The following LRR1 variants were observed in gnomAD, a reference collection of about 807,000 sequenced individuals.
LRR1 encodes the protein leucine rich repeat protein 1, also known as leucine-rich repeat protein 1.
A neutral mutation model predicts 31.6 loss-of-function variants in LRR1; 29 were observed. The observed-to-expected ratio is 0.92, with a 90% CI of 0.68 to 1.25. The LOEUF (loss-of-function observed/expected upper bound fraction) is 1.25, where lower values mean the gene tolerates loss of function less well. LRR1 is among the 50% of genes most tolerant of loss of function. The pLI is 0.00. For missense variants in LRR1, 485 were observed against 487.2 expected (o/e 1.00, Z 0.04); for synonymous variants, 179 against 181.4 (o/e 0.99, Z 0.10).
chr14:49,601,072 C>T lies in LRR1; in HGVS notation c.184-1298C>T, dbSNP rs995999494. 3.1e-6 allele frequency: 5 copies of T among 1,611,290 alleles called. No homozygotes were observed. In the Admixed American group the frequency reaches 8.3e-5, roughly 27 times the overall value. On this transcript the variant is annotated intron_variant, in intron 1 of 3. Transcript: ENST00000298288. ...TACCCAGAGTGGTGAAATAACAAGG[C>T]CAGCCACGTAGCCAAAGGTCGCTCC...
chr14:49,611,705 T>C (rs1329187654), intron 3 of LRR1, among the ~76,000 whole-genome samples: 1 of 152,092 alleles, frequency 6.6e-6, no homozygotes, highest in African/African-American at 2.4e-5. Flanking sequence ...GGTGGATCAC[T>C]TGAGGCCAGG....
At position 49,614,661 on chromosome 14, in the gene LRR1, A is replaced by G. The variant is rs1389819574; in HGVS notation, c.*165A>G. The G allele has an allele frequency of 3.2e-6, 3 of 940,968 alleles. No individual in the cohort carries two copies. The highest frequency in any genetic ancestry group is 4.7e-5 in the Admixed American group (2 of 42,788). The allele number at this position is 940,968 out of a possible 1,614,324, so 58.3% of individuals were successfully genotyped here. Reference sequence around the variant, plus strand: ...GACTCCAAAACTTTTATTAAAACCAATTTTAGTTTTACTGTGGTGTTAACT... The same window carrying G: ...GACTCCAAAACTTTTATTAAAACCAGTTTTAGTTTTACTGTGGTGTTAACT... On this transcript the variant is annotated 3_prime_UTR_variant, in exon 4 of 4. Transcript: ENST00000298288.
At position 49,607,981 on chromosome 14, in the gene LRR1, T is replaced by A; in HGVS notation, c.864T>A (p.Pro288=). 1 of 1,614,158 alleles carries A rather than the reference T, an allele frequency of 6.2e-7. No individual in the cohort carries two copies. Among genetic ancestry groups the A allele is most frequent in the Non-Finnish European group, 8.5e-7 (1 of 1,180,026 alleles). ...SAARNKLPFL[P]SEFRNLSLEY... is the part of the protein sequence containing the mutation. ...CTCGAAATAAGCTTCCATTTTTGCCTAGTGAATTTAGAAATTTATCCCTTG... is the reference window on the plus strand; with the variant it reads ...CTCGAAATAAGCTTCCATTTTTGCCAAGTGAATTTAGAAATTTATCCCTTG... Residue 288 remains proline (P), a synonymous_variant, in exon 3 of 4, where the codon CCT becomes CCA. Coordinates refer to ENST00000298288, the MANE Select transcript of LRR1 (RefSeq NM_152329.4).
Position 49,599,933 on chromosome 14 carries a change from C to T in LRR1, c.183+730C>T, listed in dbSNP as rs1594582604. 5 of 1,399,122 alleles carry T rather than the reference C, an allele frequency of 3.6e-6. No individual in the cohort carries two copies. In the East Asian group the frequency reaches 1.0e-4, roughly 29 times the overall value. The allele number at this position is 1,399,122 out of a possible 1,614,324, so 86.7% of individuals were successfully genotyped here. A position where few individuals can be genotyped will look rare whatever the true frequency, so the allele number is the denominator to read the frequency against. On this transcript the variant is annotated intron_variant, in intron 1 of 3. Transcript: ENST00000298288. The stretch of plus-strand genomic sequence containing the variant: ...ACCCTCCAGGCGGGCTGAGGCTGAG[C>T]CCGGGGCCGGGGCGGGGGCTCCGGG...
chr14:49,613,210 G>T (rs945632720), intron 3 of LRR1, among the ~76,000 whole-genome samples: 1 of 152,050 alleles, frequency 6.6e-6, no homozygotes, highest in Non-Finnish European at 1.5e-5. Flanking sequence ...GTGGTGGCGG[G>T]CACCTATAGT....
chr14:49,613,845 C>T (rs766632777), intron 3 of LRR1, among the ~76,000 whole-genome samples: 1 of 152,120 alleles, frequency 6.6e-6, no homozygotes, highest in Non-Finnish European at 1.5e-5. Flanking sequence ...GACTTGGGCA[C>T]CACTGAAGGG....
At chr14:49,613,626 G>A (rs1469251548) in intron 3 of LRR1, among the ~76,000 whole-genome samples, 1 of 151,746 alleles carries the variant, frequency 6.6e-6, no homozygotes, top group South Asian at 2.1e-4. Context: ...GGCCAACATG[G>A]TGAAACCTCG....
chr14:49,614,191 C>T, intron 3 of LRR1, 65 bp from the exon 4 acceptor site: 5 of 1,481,006 alleles, frequency 3.4e-6, no homozygotes, highest in Non-Finnish European at 1.8e-6. Context: ...AATTCCATGT[C>T]CTAATAATTC....
At chr14:49,602,504 C>T (rs1882100989) in intron 2 of LRR1, 36 bp downstream of exon 2, 1 of 1,529,794 alleles carries the variant, frequency 6.5e-7, no homozygotes, top group Non-Finnish European at 9.0e-7. Flanking sequence ...TAATATTTGG[C>T]TGTATTTTCT....
Position 49,608,031 on chromosome 14 carries a change from CT to C in LRR1, c.918del (p.Phe306LeufsTer9), listed in dbSNP as rs1566495682. On this transcript the variant is annotated frameshift_variant, in exon 3 of 4. Transcript: ENST00000298288. LOFTEE classifies it high-confidence loss of function. ...GAATACTTGGATCTTTTTGGAAATACTTTTGAACAACCAAAAGTCCTTCCAG... is the reference window on the plus strand; with the variant it reads ...GAATACTTGGATCTTTTTGGAAATACTTTGAACAACCAAAAGTCCTTCCAG... Reference protein sequence around the residue: ...SLEYLDLFGNTFEQPKVLPVI... With the variant: ...SLEYLDLFGNXFEQPKVLPVI... The C allele has an allele frequency of 1.2e-6, 2 of 1,613,240 alleles. No homozygotes were observed. Among genetic ancestry groups the C allele is most frequent in the South Asian group, 2.2e-5 (2 of 90,938 alleles).
chr14:49,612,152 A>G (rs1882537153), intron 3 of LRR1, among the ~76,000 whole-genome samples: 1 of 152,202 alleles, frequency 6.6e-6, no homozygotes, highest in Non-Finnish European at 1.5e-5. Context: ...ATTTGGCAGA[A>G]TAGTAATTTA....
intron 1 of LRR1, chr14:49,601,140 A>C: frequency 6.2e-7 from 1 of 1,604,034 alleles, no homozygotes; most frequent in South Asian, 1.1e-5. Flanking sequence ...AGAATGTATG[A>C]GATCAAAAAA....
At chr14:49,611,919 G>A (rs1222944999) in intron 3 of LRR1, among the ~76,000 whole-genome samples, 5 of 96,534 alleles carry the variant, frequency 5.2e-5, no homozygotes, top group South Asian at 3.0e-4. Context: ...GTGAGACTGC[G>A]TCTCAAAAAA....
rs61699129 is a variant in LRR1 at position 49,611,923 on chromosome 14, CAAAAAA to C, written c.1005-2322_1005-2317del. 1.4e-3 allele frequency among the ~76,000 whole-genome samples: 181 copies of C among 126,882 alleles called. 3 individuals are homozygous for C. The East Asian group carries it at 0.035, about 25-fold the overall frequency. The allele number at this position is 126,882 out of a possible 152,430, so 83.2% of individuals were successfully genotyped here. ...TGGGCTGCAGAGTGAGACTGCGTCT[CAAAAAA>C]AAAAAAAAAAGAAAAGAAAGAAATT... On this transcript the variant is annotated intron_variant, in intron 3 of 3. Coordinates refer to ENST00000298288, the MANE Select transcript of LRR1 (RefSeq NM_152329.4).
At chr14:49,601,111 A>T in intron 1 of LRR1, 2 of 1,611,238 alleles carry the variant, frequency 1.2e-6, no homozygotes, top group Middle Eastern at 2.3e-4. Flanking sequence ...CGTACAGGAG[A>T]TGGGCCATAC....
In LRR1 at chr14:49,600,453, G is replaced by C. The variant is rs1594583046; in HGVS notation, c.183+1250G>C. On this transcript the variant is annotated intron_variant, in intron 1 of 3. Transcript: ENST00000298288. The stretch of plus-strand genomic sequence containing the variant: ...GGAACAAGGACAGAAACTAGCAAAA[G>C]AGATAGGAGCATGCTGCTATGTGGA... 2 of 1,594,312 alleles carry C rather than the reference G, an allele frequency of 1.3e-6. 1 individual carries two copies. Among genetic ancestry groups the C allele is most frequent in the South Asian group, 2.2e-5 (2 of 90,560 alleles).
At chr14:49,606,227 A>G (rs1487155796) in intron 2 of LRR1, among the ~76,000 whole-genome samples, 1 of 151,990 alleles carries the variant, frequency 6.6e-6, no homozygotes, top group Non-Finnish European at 1.5e-5. Context: ...GGGTTTCACC[A>G]TGTTGGCCAA....
Position 49,614,273 on chromosome 14 carries a change from A to C in LRR1, c.1022A>C (p.His341Pro). ...TCCAATAGGATTCCATATGGCTCTC[A>C]TATCATTCCATTCCATCTCTGCCAA... Reference protein sequence around the residue: ...ILHNRIPYGSHIIPFHLCQDL... With the variant: ...ILHNRIPYGSPIIPFHLCQDL... The change falls in exon 4 of 4, where the codon CAT (histidine) becomes CCT (proline). Residue 341 changes from histidine (H) to proline (P), a missense_variant. This residue lies in a region of LRR1 where 210 missense variants were observed against 200.4 expected (regional missense o/e 1.05). Transcript: ENST00000298288. The C allele has an allele frequency of 6.2e-7, 1 of 1,613,056 alleles. No homozygotes were observed. Among genetic ancestry groups the C allele is most frequent in the Non-Finnish European group, 8.5e-7 (1 of 1,179,750 alleles).
intron 3 of LRR1, among the ~76,000 whole-genome samples, chr14:49,609,282 G>A (rs1241934629): frequency 3.0e-5 from 4 of 135,430 alleles, no homozygotes; most frequent in Non-Finnish European, 6.1e-5. Context: ...CTCGAGTGCA[G>A]TGGTCCAATC....
Sources: allele counts gnomAD v4.1 joint callset (sites outside exome capture counted in the v4.1 genomes callset), GRCh38; gene constraint gnomAD v4.1.1; regional missense constraint gnomAD v4.1.1; transcripts MANE v1.5; gene names NCBI Gene and HGNC (gene_info 2026-07-23, HGNC 2026-07-21).